Variants in STK32B observed in about 807,000 individuals in gnomAD.
STK32B encodes the protein serine/threonine-protein kinase 32B.
In STK32B, 43 loss-of-function variants were observed where a neutral mutation model predicts 52.6. The observed-to-expected ratio is 0.82, with a 90% confidence interval of 0.64 to 1.05. The LOEUF is 1.05. Among genes scored for constraint, STK32B ranks in the 50% least tolerant of loss-of-function variants. STK32B has a pLI of 0.00. For synonymous variants in STK32B, 238 were observed against 204.3 expected (o/e 1.17, Z -1.41); for missense variants, 621 against 534.6 (o/e 1.16, Z -1.59).
rs750621451 is a variant in STK32B at position 5,123,859 on chromosome 4, CCACCAT to C, written c.53-16043_53-16038del. ...ACAACTATGATTACCACCACCACCA[CCACCAT>C]CATCAATCTCCTCATCCTCATGTCA... On this transcript the variant is annotated intron_variant, in intron 1 of 11. Transcript: ENST00000282908. Among the ~76,000 whole-genome samples the C allele has an allele frequency of 5.6e-4, 22 of 39,380 alleles. No homozygotes were observed. The South Asian group carries it at 0.017, about 30-fold the overall frequency. 25.8% of individuals were successfully genotyped at this position (39,380 alleles called of 152,430 possible).
chr4:5,241,871 C>G (rs2108818306), intron 3 of STK32B, among the ~76,000 whole-genome samples: 2 of 152,280 alleles, frequency 1.3e-5, no homozygotes, highest in Admixed American at 1.3e-4. Context: ...ATGACGGTTT[C>G]CAGCTTCATC....
chr4:5,221,717 G>A (rs1448397294), intron 3 of STK32B, among the ~76,000 whole-genome samples: 2 of 151,986 alleles, frequency 1.3e-5, no homozygotes, highest in East Asian at 3.9e-4. Flanking sequence ...TTAGCCAGGT[G>A]TGGTCGTGTG....
intron 3 of STK32B, among the ~76,000 whole-genome samples, chr4:5,283,381 C>T (rs1728335167): frequency 6.6e-6 from 1 of 151,818 alleles, no homozygotes; most frequent in African/African-American, 2.4e-5. Context: ...TCAAGATGTT[C>T]CTGAAAGAGA....
chr4:5,140,133 C>A, intron 2 of STK32B, 173 bp downstream of exon 2: 1 of 1,418,646 alleles, frequency 7.0e-7, no homozygotes, highest in Non-Finnish European at 9.7e-7. Flanking sequence ...GTGTAATTTT[C>A]TTCTGGAAAT....
At chr4:5,117,068 A>G (rs1453176426) in intron 1 of STK32B, among the ~76,000 whole-genome samples, 1 of 152,186 alleles carries the variant, frequency 6.6e-6, no homozygotes, top group Non-Finnish European at 1.5e-5. Context: ...TTCTATATAT[A>G]AGATATATGT....
rs191274596 is a variant in STK32B at position 5,368,632 on chromosome 4, G to T, written c.435-29575G>T. 2.6e-5 allele frequency among the ~76,000 whole-genome samples: 4 copies of T among 152,298 alleles called. No individual in the cohort carries two copies. In the East Asian group the frequency reaches 7.7e-4, roughly 29 times the overall value. On this transcript the variant is annotated intron_variant, in intron 4 of 11. Transcript: ENST00000282908. ...GTAAACCCAGGTAGCCTTGGTGGTC[G>T]ATGGCCTCATCTCTCATGAGTCATG... is the stretch of plus-strand genomic sequence containing the variant.
chr4:5,208,703 G>A (rs1184843875), intron 3 of STK32B, among the ~76,000 whole-genome samples: 2 of 152,078 alleles, frequency 1.3e-5, no homozygotes, highest in African/African-American at 4.8e-5. Context: ...TGATAAACAC[G>A]GTAGTCTCGG....
intron 1 of STK32B, among the ~76,000 whole-genome samples, chr4:5,077,424 G>A (rs1712149463): frequency 6.6e-6 from 1 of 152,014 alleles, no homozygotes; most frequent in Non-Finnish European, 1.5e-5. Context: ...CCAACCAGCT[G>A]TGAGGGCAGA....
At chr4:5,426,601 G>C (rs942376004) in intron 6 of STK32B, among the ~76,000 whole-genome samples, 47 of 147,852 alleles carry the variant, frequency 3.2e-4, no homozygotes, top group African/African-American at 1.2e-3. Flanking sequence ...CACTTACTCA[G>C]GAGTCTGAAG....
At chr4:5,072,341 C>T (rs1711833873) in intron 1 of STK32B, among the ~76,000 whole-genome samples, 1 of 152,136 alleles carries the variant, frequency 6.6e-6, no homozygotes, top group Non-Finnish European at 1.5e-5. Flanking sequence ...CTCTTCCTAT[C>T]CCTAAATGTA....
At chr4:5,289,275 C>T (rs533083632) in intron 3 of STK32B, among the ~76,000 whole-genome samples, 7 of 152,190 alleles carry the variant, frequency 4.6e-5, no homozygotes, top group African/African-American at 1.7e-4. Context: ...TGAAAAATGG[C>T]ACACCTGTAT....
At chr4:5,120,636 A>G (rs1560161628) in intron 1 of STK32B, among the ~76,000 whole-genome samples, 1 of 152,160 alleles carries the variant, frequency 6.6e-6, no homozygotes, top group Non-Finnish European at 1.5e-5. Flanking sequence ...ATACTGTACA[A>G]AATACTTGTG....
chr4:5,174,227 G>C (rs536064765), intron 3 of STK32B, among the ~76,000 whole-genome samples: 155 of 152,184 alleles, frequency 1.0e-3, no homozygotes, highest in African/African-American at 3.4e-3. Flanking sequence ...CTGAATACAG[G>C]ACACTGATGG....
At chr4:5,072,151 TTAAAG>T (rs920058354) in intron 1 of STK32B, among the ~76,000 whole-genome samples, 1 of 152,160 alleles carries the variant, frequency 6.6e-6, no homozygotes, top group Admixed American at 6.6e-5. Context: ...TGGGATGAGT[TTAAAG>T]TAATAGTTAT....
chr4:5,172,315 G>A (rs377582406), intron 3 of STK32B, among the ~76,000 whole-genome samples: 16 of 152,220 alleles, frequency 1.1e-4, no homozygotes, highest in Non-Finnish European at 1.5e-4. Context: ...TCTCCTGCCT[G>A]ATTGCCCTGG....
chr4:5,497,906 A>G (rs1338327639), intron 11 of STK32B, among the ~76,000 whole-genome samples: 2 of 152,170 alleles, frequency 1.3e-5, no homozygotes, highest in Non-Finnish European at 2.9e-5. Context: ...GAAACATACT[A>G]GTTTTAAAAT....
At chr4:5,177,118 A>G (rs1719966220) in intron 3 of STK32B, among the ~76,000 whole-genome samples, 2 of 152,346 alleles carry the variant, frequency 1.3e-5, no homozygotes, top group South Asian at 4.1e-4. Context: ...GTTCACTCTT[A>G]TACTGCTATA....
chr4:5,089,817 C>T (rs76963067), intron 1 of STK32B, among the ~76,000 whole-genome samples: 1 of 152,190 alleles, frequency 6.6e-6, no homozygotes, highest in Non-Finnish European at 1.5e-5. Flanking sequence ...TGCATTCCCA[C>T]CAACAGTGTA....
intron 3 of STK32B, among the ~76,000 whole-genome samples, chr4:5,300,224 T>G (rs577986997): frequency 6.6e-6 from 1 of 152,188 alleles, no homozygotes; most frequent in East Asian, 1.9e-4. Context: ...TCCAATAAAA[T>G]TCAACATCCC....
Sources: gnomAD v4.1 joint callset for allele counts (sites outside exome capture counted in the v4.1 genomes callset) on GRCh38, gnomAD v4.1.1 for gene constraint, MANE v1.5 for transcripts, NCBI Gene and HGNC (gene_info 2026-07-23, HGNC 2026-07-21) for gene names.